The following TMEM81 variants were observed in gnomAD, a reference collection of about 807,000 sequenced individuals.
The protein encoded by TMEM81 is transmembrane protein 81.
For missense variants in TMEM81, 294 were observed against 300.5 expected, an observed-to-expected ratio of 0.98 and a Z score of 0.16; for synonymous variants, 132 against 119.1, an observed-to-expected ratio of 1.11 and a Z score of -0.71.
At position 205,083,512 on chromosome 1, in the gene TMEM81, G is replaced by GCCA. The variant is rs1655059078; in HGVS notation, c.*38_*40dup. The GCCA allele has an allele frequency of 6.5e-7, 1 of 1,550,080 alleles. No individual in the cohort carries two copies. The highest frequency in any genetic ancestry group is 1.9e-5 in the Admixed American group (1 of 51,422). On this transcript the variant is annotated 3_prime_UTR_variant, in exon 1 of 1. Coordinates refer to ENST00000367167, the MANE Select transcript of TMEM81 (RefSeq NM_203376.2). The stretch of plus-strand genomic sequence containing the variant: ...AAAAGCTAGCTTGGCTTCCTGGGCA[G>GCCA]CCAGTTCTTCAGGAGCAAGGCTGTT...
chr1:205,083,695 A>C lies in TMEM81; in HGVS notation c.626T>G (p.Leu209Arg). The part of the protein sequence containing the change: ...KLIDEGLEVN[L>R]DSYSKPHHPK... ...GTGGTGAGGCTTGGAGTAGCTGTCC[A>C]GATTAACTTCCAATCCCTCATCTAT... Residue 209 changes from leucine (L) to arginine (R), a missense_variant, in exon 1 of 1, where the codon CTG (leucine) becomes CGG (arginine). Physicochemically the swap from Leu to Arg is moderately radical, Grantham distance 102. Coordinates refer to ENST00000367167, the MANE Select transcript of TMEM81 (RefSeq NM_203376.2). 3.1e-6 allele frequency: 5 copies of C among 1,614,252 alleles called. No individual in the cohort carries two copies. Among genetic ancestry groups the C allele is most frequent in the Non-Finnish European group, 4.2e-6 (5 of 1,180,046 alleles).
rs989677492 is a variant in TMEM81, at chr1:205,083,379, C to T, written c.*174G>A. 23 of 686,296 alleles carry T rather than the reference C, an allele frequency of 3.4e-5. No individual in the cohort carries two copies. Among genetic ancestry groups the T allele is most frequent in the East Asian group, 8.3e-5 (3 of 35,966 alleles). The allele number at this position is 686,296 out of a possible 1,614,324, so 42.5% of individuals were successfully genotyped here. On this transcript the variant is annotated 3_prime_UTR_variant, in exon 1 of 1. Coordinates refer to ENST00000367167, the MANE Select transcript of TMEM81 (RefSeq NM_203376.2). The stretch of plus-strand genomic sequence containing the variant: ...GGGACATAAGGAAGTTAGGTTACTG[C>T]GCATAGCTCCCAGGAGATTGTCCCC...
In TMEM81 at chr1:205,083,953, A is replaced by C. The variant is rs1655069178; in HGVS notation, c.368T>G (p.Leu123Arg). 13 of 1,614,228 alleles carry C rather than the reference A, an allele frequency of 8.1e-6. No homozygotes were observed. The highest frequency in any genetic ancestry group is 2.2e-5 in the East Asian group (1 of 44,886). Residue 123 changes from leucine (L) to arginine (R), a missense_variant, in exon 1 of 1, where the codon CTT becomes CGT. By Grantham distance (102) the Leu-to-Arg change is moderately radical (BLOSUM62 -2). Transcript: ENST00000367167. ...GQEAFRFTWR[L>R]ARGVISTDDE... ...GTCAGTGGAGATGACACCTCGAGCA[A>C]GTCTCCAGGTGAACCGGAAAGCTTC...
Position 205,084,445 on chromosome 1 carries a change from G to T in TMEM81, c.-125C>A. On this transcript the variant is annotated 5_prime_UTR_variant, in exon 1 of 1. Transcript: ENST00000367167. ...TTCAAAGTCAAAAGATATGATGCAT[G>T]TATTGTCAATAAAACAACACAACTT... 1 of 994,946 alleles carries T rather than the reference G, an allele frequency of 1.0e-6. No individual in the cohort carries two copies. Among genetic ancestry groups the T allele is most frequent in the Non-Finnish European group, 1.5e-6 (1 of 676,752 alleles). 61.6% of individuals were successfully genotyped at this position (994,946 alleles called of 1,614,324 possible). A position where few individuals can be genotyped will look rare whatever the true frequency, so the allele number is the denominator to read the frequency against.
Position 205,083,576 on chromosome 1 carries a change from G to C in TMEM81, c.745C>G (p.Leu249Val). 6.2e-7 allele frequency: 1 copy of C among 1,610,882 alleles called. No individual in the cohort carries two copies. The highest frequency in any genetic ancestry group is 8.5e-7 in the Non-Finnish European group (1 of 1,177,718). The change falls in exon 1 of 1, where the codon CTA (leucine) becomes GTA (valine). Residue 249 changes from leucine to valine, a missense_variant. Leu to Val is a conservative substitution (Grantham distance 32). Coordinates refer to ENST00000367167, the MANE Select transcript of TMEM81 (RefSeq NM_203376.2). ...TGTCACTGCTGCAGGCCCCCCCTTAGCGCACAGAGGACAATCCTCACCAAC... is the reference window on the plus strand; with the variant it reads ...TGTCACTGCTGCAGGCCCCCCCTTACCGCACAGAGGACAATCCTCACCAAC... ...GVLVRIVLCA[L>V]RGGLQQ
Sources: allele counts gnomAD v4.1 joint callset, GRCh38; gene constraint gnomAD v4.1.1; transcripts MANE v1.5; gene names NCBI Gene and HGNC (gene_info 2026-07-23, HGNC 2026-07-21).